SCFD2: variants seen among roughly 807,000 people sequenced by gnomAD.
SCFD2 encodes the protein sec1 family domain-containing protein 2.
Under a neutral mutation model 58.9 loss-of-function variants are expected in SCFD2, and 54 were observed. The ratio of observed to expected loss-of-function variants is 0.92; its 90% CI spans 0.74 to 1.15. The LOEUF is 1.15. SCFD2 is among the 50% of genes most tolerant of loss of function. SCFD2 has a pLI of 0.00. For synonymous variants in SCFD2, 321 were observed against 335.9 expected (o/e 0.96, Z 0.49); for missense variants, 805 against 836.6 (o/e 0.96, Z 0.47).
At chr4:53,089,539 G>T (rs188196253) in intron 5 of SCFD2, among the ~76,000 whole-genome samples, 92 of 152,160 alleles carry the variant, frequency 6.0e-4, no homozygotes, top group Non-Finnish European at 8.1e-4. Flanking sequence ...CAATTTCTCT[G>T]CTGGTACAAA....
chr4:53,198,675 G>GTGTGTGTGCATGTGTGTGCA (rs145267691), intron 4 of SCFD2, among the ~76,000 whole-genome samples: 1 of 151,882 alleles, frequency 6.6e-6, no homozygotes, highest in African/African-American at 2.4e-5. Context: ...GTGAATGTGT[G>GTGTGTGTGCATGTGTGTGCA]TGTGTGTGCA....
chr4:52,900,649 C>G (rs1429101365), intron 7 of SCFD2, among the ~76,000 whole-genome samples: 1 of 152,176 alleles, frequency 6.6e-6, no homozygotes, highest in Non-Finnish European at 1.5e-5. Context: ...GCTGGGAGAA[C>G]CACTACTCTC....
intron 5 of SCFD2, among the ~76,000 whole-genome samples, chr4:52,926,179 TA>T (rs1378366005): frequency 6.6e-6 from 1 of 152,102 alleles, no homozygotes; most frequent in Non-Finnish European, 1.5e-5. Flanking sequence ...CCAGTCTACC[TA>T]GTTCTCTTCT....
At chr4:52,899,881 A>T (rs1034209938) in intron 7 of SCFD2, among the ~76,000 whole-genome samples, 2 of 151,786 alleles carry the variant, frequency 1.3e-5, no homozygotes, top group East Asian at 3.9e-4. Flanking sequence ...ACTTCTCTTC[A>T]TGCTTCATTT....
intron 7 of SCFD2, among the ~76,000 whole-genome samples, chr4:52,899,288 C>T (rs571464257): frequency 5.9e-5 from 9 of 152,250 alleles, no homozygotes; most frequent in African/African-American, 1.7e-4. Flanking sequence ...TGGCTGGTAC[C>T]GGTTGTTCCT....
chr4:53,169,206 T>C (rs970221690), intron 4 of SCFD2, among the ~76,000 whole-genome samples: 28 of 152,042 alleles, frequency 1.8e-4, no homozygotes, highest in African/African-American at 6.3e-4. Flanking sequence ...CGAAACCCCA[T>C]CTCTACTAAA....
intron 5 of SCFD2, among the ~76,000 whole-genome samples, chr4:53,093,901 C>G (rs1724543537): frequency 6.6e-6 from 1 of 152,026 alleles, no homozygotes; most frequent in African/African-American, 2.4e-5. Context: ...AAACATTTCA[C>G]TGTATGTAAT....
At chr4:52,897,565 T>TTTA (rs1719056223) in intron 7 of SCFD2, among the ~76,000 whole-genome samples, 1 of 152,222 alleles carries the variant, frequency 6.6e-6, no homozygotes, top group Admixed American at 6.5e-5. Context: ...TTGCTAGTAT[T>TTTA]TTATTGAGGA....
At chr4:53,041,511 T>C (rs1039392655) in intron 5 of SCFD2, among the ~76,000 whole-genome samples, 1 of 152,182 alleles carries the variant, frequency 6.6e-6, no homozygotes, top group Non-Finnish European at 1.5e-5. Context: ...GGAGATGAGA[T>C]GTCCAATGAG....
At chr4:52,938,418 A>C (rs1720198989) in intron 5 of SCFD2, among the ~76,000 whole-genome samples, 1 of 152,220 alleles carries the variant, frequency 6.6e-6, no homozygotes. Flanking sequence ...ACTATGATAA[A>C]AAGTATAGTA....
rs908189242 is a variant in SCFD2, at chr4:53,359,762, A to G, written c.838+5342T>C. ...GCTCCCTAAGCTTGCTGCATCCAGA[A>G]GGGCAAATCCATTAAAAATGTGAGC... On this transcript the variant is annotated intron_variant, in intron 1 of 8. Transcript: ENST00000401642. 5.9e-5 allele frequency among the ~76,000 whole-genome samples: 9 copies of G among 152,212 alleles called. 1 individual carries two copies. The highest frequency in any genetic ancestry group is 5.9e-4 in the Admixed American group (9 of 15,280).
intron 3 of SCFD2, among the ~76,000 whole-genome samples, chr4:53,295,450 G>C (rs1410155489): frequency 6.6e-6 from 1 of 152,124 alleles, no homozygotes; most frequent in Non-Finnish European, 1.5e-5. Flanking sequence ...TCTGTTATTG[G>C]TGTATAGGAA....
chr4:53,000,405 A>C (rs1244424901), intron 5 of SCFD2, among the ~76,000 whole-genome samples: 1 of 152,188 alleles, frequency 6.6e-6, no homozygotes, highest in Non-Finnish European at 1.5e-5. Flanking sequence ...CCAACTCAGC[A>C]ACAAGTGGCT....
intron 4 of SCFD2, among the ~76,000 whole-genome samples, chr4:53,199,999 CTT>C (rs1281104919): frequency 6.6e-6 from 1 of 151,832 alleles, no homozygotes; most frequent in Non-Finnish European, 1.5e-5. Flanking sequence ...TGCAAGTTCT[CTT>C]GTGTCTCTTT....
chr4:53,284,507 T>G (rs929299174), intron 3 of SCFD2, among the ~76,000 whole-genome samples: 30 of 152,192 alleles, frequency 2.0e-4, no homozygotes, highest in African/African-American at 7.2e-4. Context: ...TTTGAAATAT[T>G]GTCTAGGTTC....
intron 3 of SCFD2, among the ~76,000 whole-genome samples, chr4:53,310,116 G>A (rs1732645392): frequency 6.6e-6 from 1 of 152,140 alleles, no homozygotes. Flanking sequence ...GAGAAGGATG[G>A]TGACTGGCAA....
chr4:53,063,214 A>T (rs1356699704), intron 5 of SCFD2, among the ~76,000 whole-genome samples: 1 of 152,146 alleles, frequency 6.6e-6, no homozygotes, highest in Non-Finnish European at 1.5e-5. Context: ...CCTCTGTCAG[A>T]CTTTATTCAA....
intron 5 of SCFD2, among the ~76,000 whole-genome samples, chr4:52,960,368 C>CTT (rs35967473): frequency 2.2e-5 from 3 of 135,172 alleles, no homozygotes; most frequent in African/African-American, 2.7e-5. Flanking sequence ...TCTTCTTCTT[C>CTT]TTTTTTTTTT....
intron 4 of SCFD2, among the ~76,000 whole-genome samples, chr4:53,267,151 T>C (rs17082545): frequency 0.032 from 4,946 of 152,250 alleles, 164 homozygotes; most frequent in African/African-American, 0.089. Context: ...AAAGTAAACA[T>C]TGAGGTTTCG....
Sources: allele counts gnomAD v4.1 joint callset (sites outside exome capture counted in the v4.1 genomes callset), GRCh38; gene constraint gnomAD v4.1.1; transcripts MANE v1.5; gene names NCBI Gene and HGNC (gene_info 2026-07-23, HGNC 2026-07-21).